The following SMIM36 variants were observed in gnomAD, a reference collection of about 807,000 sequenced individuals.
SMIM36 encodes small integral membrane protein 36.
chr17:55,478,907 T>C (rs1397859456), intron 2 of SMIM36, 94 bp from the exon 3 acceptor site: 1 of 152,202 alleles, frequency 6.6e-6, no homozygotes, highest in East Asian at 1.9e-4. Flanking sequence ...ATTTTGAATC[T>C]GGGAAAGGAG....
the SMIM36 span, among the ~76,000 whole-genome samples, chr17:55,525,754 T>C: frequency 1.3e-5 from 2 of 151,920 alleles, no homozygotes; most frequent in Non-Finnish European, 2.9e-5. Context: ...GCCTCCTGGG[T>C]TCAAGTGATT....
upstream of SMIM36, among the ~76,000 whole-genome samples, chr17:55,513,972 T>C (rs1910224579): frequency 2.0e-5 from 3 of 152,198 alleles, no homozygotes; most frequent in Admixed American, 2.0e-4. Context: ...GGTTCCAGTA[T>C]CTTATTTCTA....
chr17:55,525,845 A>G, the SMIM36 span, among the ~76,000 whole-genome samples: 1 of 151,974 alleles, frequency 6.6e-6, no homozygotes, highest in Non-Finnish European at 1.5e-5. Flanking sequence ...TTTAGTAGAG[A>G]TGGGGTTTCT....
intron 1 of SMIM36, among the ~76,000 whole-genome samples, chr17:55,486,533 A>G (rs1456293140): frequency 1.3e-5 from 2 of 152,202 alleles, no homozygotes; most frequent in African/African-American, 4.8e-5. Context: ...GAAGCTCCAC[A>G]TGCCCATTTC....
intron 1 of SMIM36, among the ~76,000 whole-genome samples, chr17:55,488,092 G>T (rs1909639320): frequency 1.3e-5 from 2 of 152,192 alleles, no homozygotes; most frequent in Non-Finnish European, 2.9e-5. Flanking sequence ...GTTGGCTGAG[G>T]GCAATGACAT....
intron 3 of SMIM36, among the ~76,000 whole-genome samples, chr17:55,469,730 A>C (rs1385040901): frequency 6.6e-6 from 1 of 152,226 alleles, no homozygotes; most frequent in African/African-American, 2.4e-5. Flanking sequence ...CTGTAATCCC[A>C]GCACTTTGGG....
intron 3 of SMIM36, among the ~76,000 whole-genome samples, chr17:55,470,671 C>A (rs1909327475): frequency 6.6e-6 from 1 of 152,132 alleles, no homozygotes; most frequent in South Asian, 2.1e-4. Context: ...ACATTGCTGC[C>A]CTTTTCCCCA....
chr17:55,473,237 C>T (rs576772449), intron 3 of SMIM36, among the ~76,000 whole-genome samples: 1 of 152,210 alleles, frequency 6.6e-6, no homozygotes, highest in Non-Finnish European at 1.5e-5. Flanking sequence ...CCTCTCAATG[C>T]TCTGTCTGCC....
chr17:55,499,652 A>G (rs1010916299), intron 1 of SMIM36, among the ~76,000 whole-genome samples: 2 of 152,166 alleles, frequency 1.3e-5, no homozygotes, highest in Non-Finnish European at 2.9e-5. Flanking sequence ...CCAAAACACT[A>G]CATTTGCTTT....
chr17:55,495,004 A>G (rs749292378), intron 1 of SMIM36, among the ~76,000 whole-genome samples: 1 of 152,230 alleles, frequency 6.6e-6, no homozygotes, highest in Admixed American at 6.5e-5. Context: ...CGCTTGGTAT[A>G]GTCTTTTTCT....
intron 4 of SMIM36, among the ~76,000 whole-genome samples, chr17:55,463,704 G>A (rs1396460442): frequency 6.6e-6 from 1 of 152,138 alleles, no homozygotes; most frequent in African/African-American, 2.4e-5. Context: ...CCGTGGGTTG[G>A]TATGGTGGAA....
chr17:55,451,798 A>G (rs1908923172), intron 4 of SMIM36, among the ~76,000 whole-genome samples: 1 of 152,170 alleles, frequency 6.6e-6, no homozygotes, highest in Admixed American at 6.5e-5. Flanking sequence ...GAAAAATTCT[A>G]AAGAAAACTA....
intron 4 of SMIM36, among the ~76,000 whole-genome samples, chr17:55,464,912 G>A (rs971629264): frequency 6.6e-6 from 1 of 152,068 alleles, no homozygotes; most frequent in Non-Finnish European, 1.5e-5. Flanking sequence ...ATAGTTCTTG[G>A]ATTTGCAAAC....
the SMIM36 span, among the ~76,000 whole-genome samples, chr17:55,521,392 G>A: frequency 4.6e-5 from 7 of 152,158 alleles, no homozygotes; most frequent in African/African-American, 1.2e-4. Flanking sequence ...TCCCTGGTCT[G>A]CTTTCCTTTC....
intron 1 of SMIM36, among the ~76,000 whole-genome samples, chr17:55,504,279 T>G (rs2078182470): frequency 1.4e-5 from 1 of 73,508 alleles, no homozygotes; most frequent in Non-Finnish European, 2.2e-5. Context: ...TACATTTTTT[T>G]CAGCACCACA....
intron 1 of SMIM36, among the ~76,000 whole-genome samples, chr17:55,505,126 C>T (rs1300340432): frequency 1.2e-5 from 1 of 81,820 alleles, no homozygotes; most frequent in African/African-American, 7.7e-5. Context: ...GATGGATTCA[C>T]AGCCGAATTC....
At chr17:55,517,596 T>C in the SMIM36 span, among the ~76,000 whole-genome samples, 8 of 152,174 alleles carry the variant, frequency 5.3e-5, no homozygotes, top group Non-Finnish European at 1.0e-4. Flanking sequence ...AGATGCCTGA[T>C]TGAAAAGACT....
chr17:55,500,314 G>C (rs1042547611), intron 1 of SMIM36, among the ~76,000 whole-genome samples: 1 of 151,774 alleles, frequency 6.6e-6, no homozygotes, highest in African/African-American at 2.4e-5. Context: ...TTATAGAGAC[G>C]GGCTCTTGCT....
the SMIM36 span, among the ~76,000 whole-genome samples, chr17:55,518,923 G>T: frequency 1.3e-5 from 2 of 151,738 alleles, no homozygotes; most frequent in Non-Finnish European, 2.9e-5. Flanking sequence ...TATCAAAAGA[G>T]AAGAAAAATA....
Sources: allele counts gnomAD v4.1 joint callset (sites outside exome capture counted in the v4.1 genomes callset), GRCh38; gene constraint gnomAD v4.1.1; transcripts MANE v1.5; gene names NCBI Gene and HGNC (gene_info 2026-07-23, HGNC 2026-07-21).